The following OLFM3 variants were observed in gnomAD, a reference collection of about 807,000 sequenced individuals.
OLFM3 encodes the protein noelin-3.
A neutral mutation model predicts 48.6 loss-of-function variants in OLFM3; 20 were observed. That is an observed-to-expected ratio of 0.41 (90% confidence interval 0.29 to 0.60). The LOEUF (loss-of-function observed/expected upper bound fraction) is 0.60, where lower values mean the gene tolerates loss of function less well. OLFM3 is among the 20% of genes least tolerant of loss of function. The pLI, the probability that OLFM3 is intolerant of heterozygous loss-of-function variation, is 0.28. For synonymous variants in OLFM3, 222 were observed against 198.1 expected, an observed-to-expected ratio of 1.12 and a Z score of -1.01; for missense variants, 437 against 544.3, an observed-to-expected ratio of 0.80 and a Z score of 1.96.
At chr1:101,916,125 G>T (rs1305338608) in intron 1 of OLFM3, among the ~76,000 whole-genome samples, 1 of 152,104 alleles carries the variant, frequency 6.6e-6, no homozygotes, top group Non-Finnish European at 1.5e-5. Flanking sequence ...TTAAACATTT[G>T]TTATGGGCAG....
intron 1 of OLFM3, among the ~76,000 whole-genome samples, chr1:101,906,822 T>C (rs774408972): frequency 1.3e-5 from 2 of 152,206 alleles, no homozygotes; most frequent in Non-Finnish European, 2.9e-5. Context: ...TACATACATG[T>C]ATGAATCATT....
At chr1:101,888,878 G>T (rs1657878649) in intron 1 of OLFM3, among the ~76,000 whole-genome samples, 2 of 152,304 alleles carry the variant, frequency 1.3e-5, no homozygotes, top group South Asian at 2.1e-4. Flanking sequence ...AGACATTTAT[G>T]CAGCCAACAG....
In OLFM3 at chr1:101,874,619, C is replaced by T. The variant is rs183254608; in HGVS notation, c.70-37594G>A. 5.9e-5 allele frequency among the ~76,000 whole-genome samples: 9 copies of T among 151,962 alleles called. 1 individual carries two copies. In the East Asian group the frequency reaches 1.7e-3, roughly 29 times the overall value. On this transcript the variant is annotated intron_variant, in intron 1 of 5. Coordinates refer to ENST00000370103, the MANE Select transcript of OLFM3 (RefSeq NM_058170.4). ...TCATTACAGATACTGAGGCAAGTGT[C>T]AACTTGTTACTCACATTCAGTATTT...
intron 1 of OLFM3, among the ~76,000 whole-genome samples, chr1:101,862,925 A>G (rs1656711577): frequency 6.6e-6 from 1 of 152,116 alleles, no homozygotes; most frequent in Non-Finnish European, 1.5e-5. Context: ...CCCTTTGAAA[A>G]TCTCTGATAC....
At chr1:101,895,009 T>C (rs1264506449) in intron 1 of OLFM3, among the ~76,000 whole-genome samples, 1 of 152,106 alleles carries the variant, frequency 6.6e-6, no homozygotes, top group East Asian at 1.9e-4. Flanking sequence ...ATAAACAGAA[T>C]GAATACAATA....
chr1:101,807,473 G>A (rs918229201), intron 4 of OLFM3, among the ~76,000 whole-genome samples: 2 of 151,122 alleles, frequency 1.3e-5, no homozygotes, highest in Admixed American at 6.6e-5. Flanking sequence ...TTGTTTTTTT[G>A]GAAAGAAAAG....
At chr1:101,971,017 G>C (rs1310188806) in intron 1 of OLFM3, among the ~76,000 whole-genome samples, 2 of 152,182 alleles carry the variant, frequency 1.3e-5, no homozygotes, top group African/African-American at 2.4e-5. Flanking sequence ...GCCATATAAA[G>C]GAGTTTAGGT....
chr1:101,888,318 C>T (rs922482960), intron 1 of OLFM3, among the ~76,000 whole-genome samples: 2 of 152,082 alleles, frequency 1.3e-5, no homozygotes, highest in African/African-American at 4.8e-5. Flanking sequence ...ACCAATGGAA[C>T]AGAACAGAGC....
At chr1:101,976,694 T>A (rs1409919370) in intron 1 of OLFM3, among the ~76,000 whole-genome samples, 2 of 152,172 alleles carry the variant, frequency 1.3e-5, no homozygotes, top group African/African-American at 2.4e-5. Flanking sequence ...TGCTAATAAG[T>A]AGATGCTCAA....
intron 1 of OLFM3, among the ~76,000 whole-genome samples, chr1:101,898,601 C>A (rs1380079353): frequency 6.6e-6 from 1 of 152,156 alleles, no homozygotes; most frequent in African/African-American, 2.4e-5. Context: ...GTAATTCCAG[C>A]ACTTTGAGAG....
In OLFM3 at chr1:101,956,103, T is replaced by A. The variant is rs202194348; in HGVS notation, c.69+40645A>T. Among the ~76,000 whole-genome samples the A allele has an allele frequency of 4.9e-3, 708 of 143,356 alleles. 2 individuals are homozygous for A. Among genetic ancestry groups the A allele is most frequent in the African/African-American group, 9.7e-3 (367 of 38,018 alleles). 94.0% of individuals were successfully genotyped at this position (143,356 alleles called of 152,430 possible). On this transcript the variant is annotated intron_variant, in intron 1 of 5. Transcript: ENST00000370103. ...AATAACAGGTTTTTTTTTTTTTTTT[T>A]AAAAAAAACCTTTACAGAATTTTCT...
chr1:101,973,443 G>T (rs1660866140), intron 1 of OLFM3, among the ~76,000 whole-genome samples: 1 of 152,172 alleles, frequency 6.6e-6, no homozygotes, highest in Non-Finnish European at 1.5e-5. Context: ...GGTAGGTTTT[G>T]TCTACTGAGT....
intron 4 of OLFM3, 58 bp from the exon 5 acceptor site, chr1:101,806,240 A>G (rs1653770507): frequency 5.5e-6 from 7 of 1,272,234 alleles, no homozygotes; most frequent in South Asian, 1.2e-5. Context: ...TCCAATACGC[A>G]TACTCACACT....
intron 1 of OLFM3, among the ~76,000 whole-genome samples, chr1:101,935,864 AC>A (rs1398999375): frequency 6.6e-6 from 1 of 152,166 alleles, no homozygotes; most frequent in African/African-American, 2.4e-5. Context: ...AGAATTTAAA[AC>A]AAAAACCACA....
chr1:101,879,133 C>G (rs1372077790), intron 1 of OLFM3, among the ~76,000 whole-genome samples: 3 of 151,842 alleles, frequency 2.0e-5, no homozygotes, highest in Admixed American at 2.0e-4. Flanking sequence ...GCCACAGAGT[C>G]TCAGTGGATT....
intron 1 of OLFM3, among the ~76,000 whole-genome samples, chr1:101,878,037 G>A (rs902567208): frequency 2.6e-5 from 4 of 151,628 alleles, no homozygotes; most frequent in African/African-American, 7.3e-5. Flanking sequence ...AGGCACAATG[G>A]GGATTTAAGT....
intron 1 of OLFM3, among the ~76,000 whole-genome samples, chr1:101,952,628 CT>C (rs1660177762): frequency 1.3e-5 from 2 of 151,928 alleles, no homozygotes; most frequent in Admixed American, 1.3e-4. Context: ...AAGACAAAAT[CT>C]TTTTTCTAAA....
chr1:101,894,135 G>A (rs1471867760), intron 1 of OLFM3: 1 of 153,920 alleles, frequency 6.5e-6, no homozygotes, highest in East Asian at 1.9e-4. Flanking sequence ...CTCACTACTT[G>A]CTATTGTTTT....
chr1:101,874,383 G>A (rs1657210456), intron 1 of OLFM3, among the ~76,000 whole-genome samples: 1 of 151,692 alleles, frequency 6.6e-6, no homozygotes, highest in South Asian at 2.1e-4. Flanking sequence ...TGTCAAGAAT[G>A]GAAGATCTAA....
Sources: allele counts gnomAD v4.1 joint callset (sites outside exome capture counted in the v4.1 genomes callset), GRCh38; gene constraint gnomAD v4.1.1; transcripts MANE v1.5; gene names NCBI Gene and HGNC (gene_info 2026-07-23, HGNC 2026-07-21).